The following KIAA0930 variants were observed in gnomAD, a reference collection of about 807,000 sequenced individuals.
The protein encoded by KIAA0930 is KIAA0930, also known as uncharacterized protein KIAA0930.
A neutral mutation model predicts 43.9 loss-of-function variants in KIAA0930; 24 were observed. The observed-to-expected ratio is 0.55, with a 90% CI of 0.40 to 0.77. The LOEUF (loss-of-function observed/expected upper bound fraction) is 0.77. Ranked by LOEUF, KIAA0930 falls within the 30% of genes least tolerant of loss-of-function variation. KIAA0930 has a pLI of 0.00. For missense variants in KIAA0930, 461 were observed against 574.2 expected (o/e 0.80, Z 2.02); for synonymous variants, 259 against 216.4 (o/e 1.20, Z -1.73).
At position 45,211,953 on chromosome 22, in the gene KIAA0930, C is replaced by G. The variant is rs2083697429; in HGVS notation, c.216+3G>C. 2 of 1,609,912 alleles carry G rather than the reference C, an allele frequency of 1.2e-6. No homozygotes were observed. The highest frequency in any genetic ancestry group is 1.7e-6 in the Non-Finnish European group (2 of 1,179,874). ...GCAGGGGCAGGGGCCGGGGGTCACT[C>G]ACCTTCCTCCCGTCTGCACCGCTTT... is the stretch of plus-strand genomic sequence containing the variant. On this transcript the variant is annotated splice_donor_region_variant and intron_variant, in intron 2 of 9. Coordinates refer to ENST00000336156, the MANE Select transcript of KIAA0930 (RefSeq NM_001009880.2).
intron 1 of KIAA0930, among the ~76,000 whole-genome samples, chr22:45,215,521 A>C (rs372006102): frequency 2.0e-5 from 3 of 152,248 alleles, no homozygotes; most frequent in African/African-American, 7.2e-5. Context: ...ACCACAATGA[A>C]GACGACGAAA....
At chr22:45,228,982 CAAAAGA>C (rs2083827913) in intron 1 of KIAA0930, among the ~76,000 whole-genome samples, 1 of 25,282 alleles carries the variant, frequency 4.0e-5, no homozygotes, top group African/African-American at 4.6e-4. Flanking sequence ...ACCACTCACC[CAAAAGA>C]TCCCTCTCCA....
intron 2 of KIAA0930, among the ~76,000 whole-genome samples, chr22:45,208,017 CGGCT>C (rs2083654292): frequency 6.6e-6 from 1 of 152,194 alleles, no homozygotes; most frequent in Non-Finnish European, 1.5e-5. Flanking sequence ...CACGATCACA[CGGCT>C]GTTCGGGGCA....
At chr22:45,212,171 T>C in intron 1 of KIAA0930, 64 bp from the exon 2 acceptor site, 1 of 1,613,028 alleles carries the variant, frequency 6.2e-7, no homozygotes, top group Non-Finnish European at 8.5e-7. Context: ...AGCATGGCCT[T>C]GGCCAAGCTG....
At chr22:45,230,481 G>C (rs2083845742) in intron 1 of KIAA0930, among the ~76,000 whole-genome samples, 1 of 152,000 alleles carries the variant, frequency 6.6e-6, no homozygotes, top group Non-Finnish European at 1.5e-5. Context: ...CGGAGGAAAA[G>C]AGCATCCTCA....
chr22:45,229,301 T>C lies in KIAA0930; in HGVS notation c.64+11339A>G, dbSNP rs368985969. Among the ~76,000 whole-genome samples, 32 of 71,038 alleles carry C rather than the reference T, an allele frequency of 4.5e-4. 1 individual carries two copies. The highest frequency in any genetic ancestry group is 6.0e-4 in the Non-Finnish European group (21 of 35,288). The allele number at this position is 71,038 out of a possible 152,430, so 46.6% of individuals were successfully genotyped here. ...TCCACCCCCGCCATCACCACTCACC[T>C]GAAAGATCCCTCTCCACATCCCCAC... is the stretch of plus-strand genomic sequence containing the variant. On this transcript the variant is annotated intron_variant, in intron 1 of 9. Transcript: ENST00000336156.
chr22:45,230,973 C>T (rs963977485), intron 1 of KIAA0930, among the ~76,000 whole-genome samples: 1 of 151,876 alleles, frequency 6.6e-6, no homozygotes, highest in Non-Finnish European at 1.5e-5. Flanking sequence ...AGGCTGGGCA[C>T]GGTGCCTCAA....
At chr22:45,208,749 T>C (rs2147745121) in intron 2 of KIAA0930, among the ~76,000 whole-genome samples, 1 of 152,300 alleles carries the variant, frequency 6.6e-6, no homozygotes, top group South Asian at 2.1e-4. Flanking sequence ...TTGAAAACAA[T>C]CTACTAAAAA....
chr22:45,206,006 C>T, intron 2 of KIAA0930, 94 bp from the exon 3 acceptor site: 1 of 1,540,366 alleles, frequency 6.5e-7, no homozygotes, highest in Non-Finnish European at 8.7e-7. Flanking sequence ...TGGACAAGGA[C>T]TCCAATTCTT....
At chr22:45,227,872 G>A (rs1337063710) in intron 1 of KIAA0930, among the ~76,000 whole-genome samples, 2 of 152,172 alleles carry the variant, frequency 1.3e-5, no homozygotes, top group African/African-American at 2.4e-5. Context: ...GCAGGGAGAG[G>A]GCTCCCGGGA....
chr22:45,214,218 C>G (rs1330193302), intron 1 of KIAA0930, among the ~76,000 whole-genome samples: 16 of 152,078 alleles, frequency 1.1e-4, no homozygotes, highest in Non-Finnish European at 8.8e-5. Flanking sequence ...AAGAAAACTG[C>G]CAGATTCTCA....
intron 1 of KIAA0930, among the ~76,000 whole-genome samples, chr22:45,224,215 A>T (rs945827036): frequency 3.3e-5 from 5 of 152,362 alleles, no homozygotes; most frequent in South Asian, 4.1e-4. Flanking sequence ...TGTCTATTTT[A>T]AAAAATGCCT....
At position 45,205,273 on chromosome 22, in the gene KIAA0930, C is replaced by G; in HGVS notation, c.460G>C (p.Glu154Gln). Residue 154 changes from glutamate to glutamine, a missense_variant, in exon 5 of 10, where the codon GAG (glutamate) becomes CAG (glutamine). By Grantham distance (29) the Glu-to-Gln change is conservative (BLOSUM62 2). Coordinates refer to ENST00000336156, the MANE Select transcript of KIAA0930 (RefSeq NM_001009880.2). ...PSKHPMDSKG[E>Q]ESKISYPNIF... ...TTGGGGTAGCTGATCTTGGACTCCT[C>G]CCCCTTGCTGTCCATGGGGTGTTTA... The G allele has an allele frequency of 1.2e-6, 2 of 1,614,182 alleles. No individual in the cohort carries two copies. Among genetic ancestry groups the G allele is most frequent in the Non-Finnish European group, 1.7e-6 (2 of 1,180,004 alleles).
At chr22:45,231,753 T>C (rs917718628) in intron 1 of KIAA0930, among the ~76,000 whole-genome samples, 9 of 152,056 alleles carry the variant, frequency 5.9e-5, no homozygotes, top group Non-Finnish European at 5.9e-5. Flanking sequence ...TCCCAGCACT[T>C]TGGGAGGCCG....
intron 5 of KIAA0930, 82 bp from the exon 6 acceptor site, chr22:45,204,067 G>C: frequency 1.3e-6 from 2 of 1,580,030 alleles, no homozygotes; most frequent in Non-Finnish European, 1.7e-6. Context: ...TGGCAGGGAG[G>C]GCTGCTCAGA....
intron 1 of KIAA0930, among the ~76,000 whole-genome samples, chr22:45,230,771 G>T (rs1034992829): frequency 6.6e-6 from 1 of 151,742 alleles, no homozygotes; most frequent in African/African-American, 2.4e-5. Flanking sequence ...TAGTAGAGAC[G>T]GGGTTTCACA....
chr22:45,219,245 A>G lies in KIAA0930; in HGVS notation c.65-7138T>C, dbSNP rs2083752390. ...GCTGCCTCCTACGGTTACCATGGAG[A>G]CCAAATGAGCTCCTACACAGTGCTC... On this transcript the variant is annotated intron_variant, in intron 1 of 9. Transcript: ENST00000336156. 2.0e-5 allele frequency among the ~76,000 whole-genome samples: 3 copies of G among 152,152 alleles called. No homozygotes were observed. The South Asian group carries it at 6.2e-4, about 32-fold the overall frequency.
At chr22:45,233,908 G>C (rs2083870027) in intron 1 of KIAA0930, among the ~76,000 whole-genome samples, 1 of 152,216 alleles carries the variant, frequency 6.6e-6, no homozygotes, top group Non-Finnish European at 1.5e-5. Flanking sequence ...GGAGGGATCA[G>C]AGGTCCAGAG....
chr22:45,210,018 C>G (rs887022176), intron 2 of KIAA0930, among the ~76,000 whole-genome samples: 3 of 152,210 alleles, frequency 2.0e-5, no homozygotes, highest in African/African-American at 7.2e-5. Context: ...TTCTCCTCCC[C>G]CTACCCCGGC....
Sources: allele counts gnomAD v4.1 joint callset (sites outside exome capture counted in the v4.1 genomes callset), GRCh38; gene constraint gnomAD v4.1.1; transcripts MANE v1.5; gene names NCBI Gene and HGNC (gene_info 2026-07-23, HGNC 2026-07-21).